The following SHPRH variants were observed in gnomAD, a reference collection of about 807,000 sequenced individuals.
SHPRH encodes the protein SNF2 histone linker PHD RING helicase, also known as E3 ubiquitin-protein ligase SHPRH.
Under a neutral mutation model 202.5 loss-of-function variants are expected in SHPRH, and 106 were observed. The observed-to-expected ratio is 0.52, with a 90% CI of 0.45 to 0.62. The LOEUF (loss-of-function observed/expected upper bound fraction) is 0.62. SHPRH is among the 20% of genes least tolerant of loss of function. The pLI, the probability that SHPRH is intolerant of heterozygous loss-of-function variation, is 0.00. For missense variants in SHPRH, 1,710 were observed against 2,020.0 expected (o/e 0.85, Z 2.94); for synonymous variants, 729 against 686.0 (o/e 1.06, Z -0.98).
downstream of SHPRH, among the ~76,000 whole-genome samples, chr6:145,881,243 AT>A (rs1190958965): frequency 6.6e-6 from 1 of 152,156 alleles, no homozygotes; most frequent in African/African-American, 2.4e-5. Flanking sequence ...GTATTAGTCC[AT>A]TTTCATACTC....
At chr6:145,946,571 G>A (rs1787397052) in intron 6 of SHPRH, among the ~76,000 whole-genome samples, 1 of 151,474 alleles carries the variant, frequency 6.6e-6, no homozygotes. Context: ...TGTTATGTGT[G>A]GAACCTCTGA....
Position 145,892,596 on chromosome 6 carries a change from A to G in SHPRH, c.4874+619T>C, listed in dbSNP as rs142821560. On this transcript the variant is annotated intron_variant, in intron 28 of 29. Transcript: ENST00000275233. The stretch of plus-strand genomic sequence containing the variant: ...CTTTTTTAAACATCAAAGACTTCTA[A>G]CATCCAGAAGGTAATACATTTAGCA... Among the ~76,000 whole-genome samples the G allele has an allele frequency of 2.3e-3, 343 of 152,200 alleles. 3 individuals carry two copies. The highest frequency in any genetic ancestry group is 7.7e-3 in the African/African-American group (321 of 41,538).
intron 25 of SHPRH, among the ~76,000 whole-genome samples, chr6:145,896,232 G>T (rs972378636): frequency 6.6e-6 from 1 of 152,000 alleles, no homozygotes; most frequent in Non-Finnish European, 1.5e-5. Flanking sequence ...AAGTGTACTT[G>T]CAAGATTAGA....
At position 145,955,370 on chromosome 6, in the gene SHPRH, A is replaced by G. The variant is rs1326335491; in HGVS notation, c.-32-16T>C. ...ACTGTGAACTCTAGAGGACAAATGA[A>G]ACAACAGGAGGTATAACAAGAGATG... On this transcript the variant is annotated splice_polypyrimidine_tract_variant and intron_variant, in intron 1 of 29. Transcript: ENST00000275233. 6.5e-7 allele frequency: 1 copy of G among 1,545,404 alleles called. No individual in the cohort carries two copies. The highest frequency in any genetic ancestry group is 1.2e-5 in the South Asian group (1 of 81,568).
At chr6:145,868,889 T>C (rs962728682) in intron 2 of SHPRH, among the ~76,000 whole-genome samples, 2 of 152,212 alleles carry the variant, frequency 1.3e-5, no homozygotes, top group Non-Finnish European at 2.9e-5. Flanking sequence ...TGAATTATAA[T>C]TGTTTGCTTT....
In SHPRH at chr6:145,948,321, T is replaced by A; in HGVS notation, c.1012A>T (p.Ile338Phe). Reference protein sequence around the residue: ...ESALHFLWREIVTSEGLKLYY... With the variant: ...ESALHFLWREFVTSEGLKLYY... The stretch of plus-strand genomic sequence containing the variant: ...AGTTTCAGACCCTCAGATGTAACAA[T>A]CTCTCGCCATAAGAAGTGCAGGGCA... The change falls in exon 5 of 30, where the codon ATT becomes TTT. Residue 338 changes from isoleucine to phenylalanine, a missense_variant. Physicochemically the swap from Ile to Phe is conservative, Grantham distance 21. Coordinates refer to ENST00000275233, the MANE Select transcript of SHPRH (RefSeq NM_001042683.3). 1.2e-6 allele frequency: 2 copies of A among 1,605,846 alleles called. No individual in the cohort carries two copies. Among genetic ancestry groups the A allele is most frequent in the Non-Finnish European group, 1.7e-6 (2 of 1,175,718 alleles).
intron 3 of SHPRH, among the ~76,000 whole-genome samples, chr6:145,951,632 T>G (rs1266371907): frequency 6.6e-6 from 1 of 152,110 alleles, no homozygotes; most frequent in African/African-American, 2.4e-5. Flanking sequence ...GATTTCCTAA[T>G]TTAAAGTATC....
chr6:145,931,282 C>G (rs1321436063), intron 14 of SHPRH, among the ~76,000 whole-genome samples: 2 of 151,704 alleles, frequency 1.3e-5, no homozygotes, highest in African/African-American at 4.8e-5. Flanking sequence ...TGTTTGTTTT[C>G]TAATCATCTC....
At chr6:145,924,671 C>CA in intron 17 of SHPRH, 68 bp downstream of exon 17, 9 of 1,449,798 alleles carry the variant, frequency 6.2e-6, no homozygotes, top group African/African-American at 5.6e-5. Flanking sequence ...TTCTCCCCAC[C>CA]AAAAAACCAA....
In SHPRH at chr6:145,871,105, A is replaced by G. The variant is rs538757022; in HGVS notation, c.222-6614T>C. 2.6e-5 allele frequency: 4 copies of G among 152,306 alleles called. No individual in the cohort carries two copies. The South Asian group carries it at 8.3e-4, about 32-fold the overall frequency. The allele number at this position is 152,306 out of a possible 1,614,324, so 9.4% of individuals were successfully genotyped here. A position where few individuals can be genotyped will look rare whatever the true frequency, so the allele number is the denominator to read the frequency against. Reference sequence around the variant, plus strand: ...AAACTCACAGCCAGTGTCCTTACTGAATGGGCAAAAGCTGAAAGCATTCCC... The same window carrying G: ...AAACTCACAGCCAGTGTCCTTACTGGATGGGCAAAAGCTGAAAGCATTCCC... On this transcript the variant is annotated intron_variant, in intron 2 of 2. Transcript: ENST00000417762.
intron 25 of SHPRH, 135 bp from the exon 26 acceptor site, chr6:145,895,112 T>C (rs773756603): frequency 1.3e-4 from 93 of 702,164 alleles, no homozygotes; most frequent in Non-Finnish European, 1.7e-4. Flanking sequence ...CATATGTGTT[T>C]ACTCTTTTTC....
chr6:145,861,537 G>T (rs1214606509), downstream of SHPRH, among the ~76,000 whole-genome samples: 1 of 152,014 alleles, frequency 6.6e-6, no homozygotes, highest in African/African-American at 2.4e-5. Context: ...ACAATATGGA[G>T]ATTTATCAAA....
chr6:145,922,928 TAAAG>T, intron 18 of SHPRH, 92 bp from the exon 19 acceptor site: 1 of 1,369,868 alleles, frequency 7.3e-7, no homozygotes. Flanking sequence ...AACAAAGTGT[TAAAG>T]AAACTGTTTG....
intron 1 of SHPRH, among the ~76,000 whole-genome samples, chr6:145,957,049 G>C (rs1362012997): frequency 6.6e-6 from 1 of 152,066 alleles, no homozygotes; most frequent in Non-Finnish European, 1.5e-5. Context: ...CCAACATATA[G>C]ATCAAGGGAA....
intron 13 of SHPRH, among the ~76,000 whole-genome samples, chr6:145,934,555 G>A (rs537860345): frequency 6.6e-6 from 1 of 151,210 alleles, no homozygotes; most frequent in African/African-American, 2.4e-5. Flanking sequence ...TTAGCTACTT[G>A]AGAGGCTGAG....
rs763558423 is a variant in SHPRH, at chr6:145,935,429, A to G, written c.2582T>C (p.Leu861Ser). ...AGGTTCAATACCAAGAAAGACCACT[A>G]ACCCAAAAAGATCTGAAAAGAAAAA... ...VQRGLEDLFG[L>S]VVFLGIEPYC... The change falls in exon 12 of 30, where the codon TTA (leucine) becomes TCA (serine). Residue 861 changes from leucine to serine, a missense_variant. Around this residue, in one of 8 missense-constraint regions of SHPRH, gnomAD observed 277 missense variants for 363.0 expected, o/e 0.76. Coordinates refer to ENST00000275233, the MANE Select transcript of SHPRH (RefSeq NM_001042683.3). The G allele has an allele frequency of 1.9e-6, 3 of 1,613,794 alleles. No homozygotes were observed. Among genetic ancestry groups the G allele is most frequent in the South Asian group, 2.2e-5 (2 of 91,058 alleles).
chr6:145,946,740 A>T (rs1163772052), intron 6 of SHPRH, among the ~76,000 whole-genome samples: 1 of 150,568 alleles, frequency 6.6e-6, no homozygotes, highest in African/African-American at 2.4e-5. Flanking sequence ...CTACAAAAAA[A>T]ACATTTTTTT....
rs1182555915 is a variant in SHPRH at position 145,867,623 on chromosome 6, TATATATATAGAGAGAGAGAGAG to T, written c.222-3154_222-3133del. Among the ~76,000 whole-genome samples the T allele has an allele frequency of 3.2e-4, 22 of 68,434 alleles. 1 individual carries two copies. The East Asian group carries it at 6.6e-3, about 20-fold the overall frequency. 44.9% of individuals were successfully genotyped at this position (68,434 alleles called of 152,430 possible). On this transcript the variant is annotated intron_variant, in intron 2 of 2. Coordinates refer to the SHPRH transcript ENST00000417762. ...GAATATATATATATATATATATATA[TATATATATAGAGAGAGAGAGAG>T]AGAGAGAGAGAGAGAGAGAGAGAGA...
intron 2 of SHPRH, among the ~76,000 whole-genome samples, chr6:145,868,057 A>T (rs1301613275): frequency 6.6e-6 from 1 of 152,176 alleles, no homozygotes; most frequent in Non-Finnish European, 1.5e-5. Context: ...TAGAAGTTTG[A>T]GGTCAAGTTG....
Sources: gnomAD v4.1 joint callset for allele counts (sites outside exome capture counted in the v4.1 genomes callset) on GRCh38, gnomAD v4.1.1 for gene constraint, gnomAD v4.1.1 regional missense constraint, MANE v1.5 for transcripts, NCBI Gene and HGNC (gene_info 2026-07-23, HGNC 2026-07-21) for gene names.